The following RABGAP1 variants were observed in gnomAD, a reference collection of about 807,000 sequenced individuals.
The protein encoded by RABGAP1 is rab GTPase-activating protein 1.
A neutral mutation model predicts 137.6 loss-of-function variants in RABGAP1; 23 were observed. The ratio of observed to expected loss-of-function variants is 0.17; its 90% CI spans 0.12 to 0.24. RABGAP1 has a LOEUF of 0.24. Ranked by LOEUF, RABGAP1 falls within the 10% of genes least tolerant of loss-of-function variation. The pLI, the probability that RABGAP1 is intolerant of heterozygous loss-of-function variation, is 1.00. For missense variants in RABGAP1, 906 were observed against 1,275.8 expected (o/e 0.71, Z 4.42); for synonymous variants, 451 against 450.7 (o/e 1.00, Z -0.01).
intron 2 of RABGAP1, among the ~76,000 whole-genome samples, chr9:122,960,254 C>A (rs1417890304): frequency 6.6e-6 from 1 of 152,142 alleles, no homozygotes; most frequent in African/African-American, 2.4e-5. Context: ...TTCAAAGATA[C>A]CCAAGTTTGA....
chr9:122,945,147 C>CTTTTTTTTTTTTTTTTTTTTTTTTTTTT lies in RABGAP1; in HGVS notation c.-50+4070_-50+4071insTTTTTTTTTTTTTTTTTTTTTTTTTTTT, dbSNP rs202090815. The stretch of plus-strand genomic sequence containing the variant: ...CACCATGTATACATCATAGCTGTTG[C>CTTTTTTTTTTTTTTTTTTTTTTTTTTTT]TTTTTTTTTTTTTTTTAGCATAAAC... On this transcript the variant is annotated intron_variant, in intron 1 of 25. Transcript: ENST00000373647. 6.7e-4 allele frequency among the ~76,000 whole-genome samples: 51 copies of CTTTTTTTTTTTTTTTTTTTTTTTTTTTT among 75,818 alleles called. 19 individuals carry two copies. Among genetic ancestry groups the CTTTTTTTTTTTTTTTTTTTTTTTTTTTT allele is most frequent in the South Asian group, 2.2e-3 (3 of 1,378 alleles). The allele number at this position is 75,818 out of a possible 152,430, so 49.7% of individuals were successfully genotyped here.
rs2035396365 is a variant in RABGAP1, at chr9:123,103,308, A to C, written c.*95A>C. 9 of 1,547,854 alleles carry C rather than the reference A, an allele frequency of 5.8e-6. No homozygotes were observed. The highest frequency in any genetic ancestry group is 7.9e-6 in the Non-Finnish European group (9 of 1,143,068). On this transcript the variant is annotated 3_prime_UTR_variant, in exon 26 of 26. Coordinates refer to ENST00000373647, the MANE Select transcript of RABGAP1 (RefSeq NM_012197.4). ...TGATTCTGTGACTTGTCCCAGGACCAGAATGTACCTAAGTCAGATCCATAG... is the reference window on the plus strand; with the variant it reads ...TGATTCTGTGACTTGTCCCAGGACCCGAATGTACCTAAGTCAGATCCATAG...
intron 25 of RABGAP1, 131 bp from the exon 26 acceptor site, chr9:123,102,960 T>C: frequency 1.6e-6 from 2 of 1,256,580 alleles, no homozygotes; most frequent in East Asian, 2.8e-5. Flanking sequence ...TCTATGCCAG[T>C]TGGAGACTGG....
intron 12 of RABGAP1, among the ~76,000 whole-genome samples, chr9:123,016,913 T>C (rs1299390178): frequency 6.6e-6 from 1 of 152,184 alleles, no homozygotes; most frequent in African/African-American, 2.4e-5. Context: ...TGCTTTACAC[T>C]TTTGACAAAA....
At chr9:123,020,555 A>C in intron 13 of RABGAP1, 96 bp downstream of exon 13, 2 of 1,177,068 alleles carry the variant, frequency 1.7e-6, no homozygotes, top group Non-Finnish European at 2.2e-6. Context: ...AGTGTTTATT[A>C]TTAATTTATT....
Position 123,073,625 on chromosome 9 carries a change from A to C in RABGAP1, c.2057A>C (p.Gln686Pro). 1 of 1,613,964 alleles carries C rather than the reference A, an allele frequency of 6.2e-7. No homozygotes were observed. The highest frequency in any genetic ancestry group is 8.5e-7 in the Non-Finnish European group (1 of 1,179,868). Residue 686 changes from glutamine (Q) to proline (P), a missense_variant, in exon 16 of 26, where the codon CAA becomes CCA. This residue lies in a region of RABGAP1 where 25 missense variants were observed against 31.7 expected (regional missense o/e 0.79). Coordinates refer to ENST00000373647, the MANE Select transcript of RABGAP1 (RefSeq NM_012197.4). ...FDYGLRELFK[Q>P]NFEDLHCKFY... ...TATGGGCTCAGGGAACTTTTCAAGCAAAACTTCGAAGATTTGCATTGCAAA... is the reference window on the plus strand; with the variant it reads ...TATGGGCTCAGGGAACTTTTCAAGCCAAACTTCGAAGATTTGCATTGCAAA...
chr9:122,960,044 A>G (rs1244676281), intron 2 of RABGAP1, among the ~76,000 whole-genome samples: 1 of 152,248 alleles, frequency 6.6e-6, no homozygotes, highest in East Asian at 1.9e-4. Flanking sequence ...AGAGTATAGA[A>G]AAGTTTAAGC....
chr9:123,074,191 C>CT, intron 16 of RABGAP1, 94 bp from the exon 17 acceptor site: 1 of 1,461,582 alleles, frequency 6.8e-7, no homozygotes, highest in Non-Finnish European at 9.3e-7. Context: ...AAGTATTTTA[C>CT]TTTTTTGGCC....
chr9:122,931,889 T>C, the RABGAP1 span, among the ~76,000 whole-genome samples: 2 of 152,216 alleles, frequency 1.3e-5, no homozygotes, highest in South Asian at 2.1e-4. Flanking sequence ...TAAGTCTTTT[T>C]AGCCTAGGGG....
At chr9:123,002,842 T>C (rs1466659149) in intron 10 of RABGAP1, among the ~76,000 whole-genome samples, 3 of 152,122 alleles carry the variant, frequency 2.0e-5, no homozygotes, top group Non-Finnish European at 4.4e-5. Flanking sequence ...AAGAGACTGC[T>C]CTGGACTCTT....
chr9:122,949,859 C>T lies in RABGAP1; in HGVS notation c.-49-7152C>T, dbSNP rs765659966. 2.0e-5 allele frequency among the ~76,000 whole-genome samples: 3 copies of T among 152,078 alleles called. No individual in the cohort carries two copies. In the East Asian group the frequency reaches 5.8e-4, roughly 29 times the overall value. On this transcript the variant is annotated intron_variant, in intron 1 of 25. Transcript: ENST00000373647. ...GAGGTTGAATACTTGATTGTATCCACTAGGTTGCTGTTGGTGGAGAAAGGC... is the reference window on the plus strand; with the variant it reads ...GAGGTTGAATACTTGATTGTATCCATTAGGTTGCTGTTGGTGGAGAAAGGC...
intron 15 of RABGAP1, among the ~76,000 whole-genome samples, chr9:123,072,546 C>G (rs933856822): frequency 3.3e-5 from 5 of 152,100 alleles, no homozygotes; most frequent in African/African-American, 7.2e-5. Context: ...GTTATAAGTG[C>G]TTGTTTAGAG....
Position 123,015,548 on chromosome 9 carries a change from G to C in RABGAP1, c.1555G>C (p.Asp519His). 1.2e-6 allele frequency: 2 copies of C among 1,605,446 alleles called. No homozygotes were observed. The highest frequency in any genetic ancestry group is 1.7e-6 in the Non-Finnish European group (2 of 1,173,928). Residue 519 changes from aspartate (D) to histidine (H), a missense_variant, in exon 12 of 26, where the codon GAT (aspartate) becomes CAT (histidine). Physicochemically the swap from Asp to His is moderately conservative, Grantham distance 81. Around this residue, in one of 9 missense-constraint regions of RABGAP1, gnomAD observed 212 missense variants for 289.4 expected, o/e 0.73. Coordinates refer to ENST00000373647, the MANE Select transcript of RABGAP1 (RefSeq NM_012197.4). ...PPEDDEEEDN[D>H]EPLLSGSGDV... ...GTGTGTTTTGTTTATTATAGATAAT[G>C]ATGAACCTCTCCTGAGTGGATCTGG...
At chr9:123,091,992 G>T (rs1348962499) in intron 21 of RABGAP1, among the ~76,000 whole-genome samples, 2 of 152,096 alleles carry the variant, frequency 1.3e-5, no homozygotes, top group Non-Finnish European at 2.9e-5. Context: ...AGAGGTGTGT[G>T]CCTAACACAG....
At chr9:122,974,028 A>G (rs886478404) in intron 2 of RABGAP1, among the ~76,000 whole-genome samples, 2 of 152,056 alleles carry the variant, frequency 1.3e-5, no homozygotes, top group African/African-American at 2.4e-5. Context: ...AAAAAGAAAA[A>G]AAGAACCTGG....
At position 123,075,174 on chromosome 9, in the gene RABGAP1, G is replaced by A. The variant is rs916639672; in HGVS notation, c.2253+746G>A. ...AATACTACAAATCCCACTGTCTATA[G>A]GTTACCTCCTTTAACAGTTTGGTTA... On this transcript the variant is annotated intron_variant, in intron 17 of 25. Coordinates refer to ENST00000373647, the MANE Select transcript of RABGAP1 (RefSeq NM_012197.4). 2.0e-5 allele frequency among the ~76,000 whole-genome samples: 3 copies of A among 152,074 alleles called. No homozygotes were observed. In the East Asian group the frequency reaches 5.8e-4, roughly 29 times the overall value.
intron 12 of RABGAP1, among the ~76,000 whole-genome samples, chr9:123,018,132 C>G (rs1367397414): frequency 1.3e-5 from 2 of 152,138 alleles, no homozygotes. Flanking sequence ...GTAGCTGGGA[C>G]TACAGGTGCC....
intron 21 of RABGAP1, among the ~76,000 whole-genome samples, chr9:123,097,293 G>A (rs985286396): frequency 6.6e-6 from 1 of 152,214 alleles, no homozygotes; most frequent in Non-Finnish European, 1.5e-5. Context: ...AATGCCAGAC[G>A]GGTTGGATGA....
chr9:122,957,560 A>G (rs1834593708), intron 2 of RABGAP1, among the ~76,000 whole-genome samples: 1 of 151,858 alleles, frequency 6.6e-6, no homozygotes, highest in African/African-American at 2.4e-5. Context: ...CAAAGATGCT[A>G]TTTATGAAAA....
Sources: gnomAD v4.1 joint callset for allele counts (sites outside exome capture counted in the v4.1 genomes callset) on GRCh38, gnomAD v4.1.1 for gene constraint, gnomAD v4.1.1 regional missense constraint, MANE v1.5 for transcripts, NCBI Gene and HGNC (gene_info 2026-07-23, HGNC 2026-07-21) for gene names.